PFKFB1: variants seen among roughly 807,000 people sequenced by gnomAD.
PFKFB1 encodes the protein 6-phosphofructo-2-kinase/fructose-2,6-bisphosphatase 1.
Under a neutral mutation model 46.4 loss-of-function variants are expected in PFKFB1, and 34 were observed. The observed-to-expected ratio is 0.73, with a 90% CI of 0.56 to 0.98. The LOEUF (loss-of-function observed/expected upper bound fraction) is 0.98. PFKFB1 is among the 50% of genes least tolerant of loss of function. The probability of loss-of-function intolerance (pLI) is 0.00; values close to 1 mark genes in which losing one functional copy is unlikely to be tolerated. For synonymous variants in PFKFB1, 119 were observed against 133.8 expected (o/e 0.89, Z 0.76); for missense variants, 393 against 376.3 (o/e 1.04, Z -0.37).
rs1933783062 is a variant in PFKFB1, at chrX:54,945,625, A to T, written c.994-82T>A. 3 of 628,863 alleles carry T rather than the reference A, an allele frequency of 4.8e-6. No homozygotes were observed. In the Admixed American group the frequency reaches 9.2e-5, roughly 19 times the overall value. 51.8% of individuals were successfully genotyped at this position (628,863 alleles called of 1,213,427 possible). A position where few individuals can be genotyped will look rare whatever the true frequency, so the allele number is the denominator to read the frequency against. Reference sequence around the variant, plus strand: ...TTGCCATAATTCTTCGATGATTGTGAAACAGTAGCACATGAGCACCTGGGT... The same window carrying T: ...TTGCCATAATTCTTCGATGATTGTGTAACAGTAGCACATGAGCACCTGGGT... On this transcript the variant is annotated intron_variant, in intron 9 of 13. Coordinates refer to ENST00000375006, the MANE Select transcript of PFKFB1 (RefSeq NM_002625.4).
intron 12 of PFKFB1, among the ~76,000 whole-genome samples, chrX:54,934,624 T>C (rs1933325793): frequency 8.9e-6 from 1 of 112,256 alleles, no homozygotes; most frequent in Admixed American, 9.4e-5. Context: ...GGCTGGTCTT[T>C]GTGCTCTTTC....
At chrX:54,969,167 G>C (rs1343673470) in intron 1 of PFKFB1, among the ~76,000 whole-genome samples, 4 of 111,294 alleles carry the variant, frequency 3.6e-5, no homozygotes, top group Non-Finnish European at 7.6e-5. Context: ...AATCTCCAAT[G>C]CAACAGTATT....
intron 6 of PFKFB1, among the ~76,000 whole-genome samples, chrX:54,957,802 A>G (rs1282598750): frequency 1.8e-5 from 2 of 111,116 alleles, no homozygotes; most frequent in African/African-American, 6.5e-5. Context: ...TAATTTGATG[A>G]AGTAGGGAAC....
Position 54,973,004 on chromosome X carries a change from T to C in PFKFB1, c.98-9622A>G, listed in dbSNP as rs1019619595. Among the ~76,000 whole-genome samples, 26 of 111,655 alleles carry C rather than the reference T, an allele frequency of 2.3e-4. No homozygotes were observed. The Middle Eastern group carries it at 0.014, about 59-fold the overall frequency. On this transcript the variant is annotated intron_variant, in intron 1 of 13. Transcript: ENST00000375006. ...TGGTTGGTAAGCTATTGATTATTGC[T>C]ACAATTTCAGAGCCTGTTATTGGTC...
At chrX:54,933,774 A>C (rs1318500186) in intron 13 of PFKFB1, 47 bp downstream of exon 13, 2 of 1,094,066 alleles carry the variant, frequency 1.8e-6, no homozygotes, top group South Asian at 3.7e-5. Context: ...TGCTTTCACC[A>C]TGTGCTGTGT....
At chrX:54,953,125 A>T (rs1220130330) in intron 7 of PFKFB1, among the ~76,000 whole-genome samples, 1 of 112,281 alleles carries the variant, frequency 8.9e-6, no homozygotes, top group African/African-American at 3.2e-5. Context: ...TGTACCAGGC[A>T]TTAAATCCTT....
chrX:54,956,288 G>A lies in PFKFB1; in HGVS notation c.517-14C>T. The A allele has an allele frequency of 8.3e-7, 1 of 1,210,109 alleles. No homozygotes were observed. The highest frequency in any genetic ancestry group is 1.7e-5 in the African/African-American group (1 of 57,822). On this transcript the variant is annotated splice_polypyrimidine_tract_variant and intron_variant, in intron 6 of 13. Transcript: ENST00000375006. ...AAGTTTCACTTGCTGGGAGCAGGGA[G>A]AACAGAGGTATCAAGGGAGACATTG...
chrX:54,956,324 G>A, intron 6 of PFKFB1, 50 bp from the exon 7 acceptor site: 1 of 1,196,562 alleles, frequency 8.4e-7, no homozygotes, highest in Non-Finnish European at 1.1e-6. Context: ...GGAGACAGAT[G>A]GTTTTCTTTG....
At chrX:54,948,219 G>C (rs1472231918) in intron 9 of PFKFB1, among the ~76,000 whole-genome samples, 1 of 111,307 alleles carries the variant, frequency 9.0e-6, no homozygotes, top group Non-Finnish European at 1.9e-5. Context: ...CACTGCACCT[G>C]GCCTGATTCC....
chrX:54,998,567 G>GTT, upstream of PFKFB1: 1 of 503,172 alleles, frequency 2.0e-6, no homozygotes, highest in South Asian at 3.0e-5. Context: ...TTGTTAAGTG[G>GTT]GGGATGTATG....
In PFKFB1 at chrX:54,945,715, TGTGTGC is replaced by T. The variant is rs1427771959; in HGVS notation, c.994-178_994-173del. On this transcript the variant is annotated intron_variant, in intron 9 of 13. Transcript: ENST00000375006. ...AAGTGTGTATGCGTGTGTGTGTGTG[TGTGTGC>T]GTGTGTGTGTGTGTGTGTGTGTGAG... Among the ~76,000 whole-genome samples the T allele has an allele frequency of 3.9e-4, 41 of 105,596 alleles. No individual in the cohort carries two copies. The East Asian group carries it at 9.3e-3, about 24-fold the overall frequency. The allele number at this position is 105,596 out of a possible 115,157, so 91.7% of individuals were successfully genotyped here.
intron 1 of PFKFB1, among the ~76,000 whole-genome samples, chrX:54,976,575 G>A (rs1291994395): frequency 8.9e-6 from 1 of 111,775 alleles, no homozygotes; most frequent in East Asian, 2.8e-4. Context: ...TTGGAAAACA[G>A]TTTGGCAGTT....
chrX:54,937,908 G>T (rs1039916293), intron 10 of PFKFB1, among the ~76,000 whole-genome samples, 184 bp from the exon 11 acceptor site: 1 of 111,831 alleles, frequency 8.9e-6, no homozygotes, highest in Non-Finnish European at 1.9e-5. Flanking sequence ...CTGCTAAATG[G>T]GGGCTATCAA....
chrX:54,979,866 G>A (rs1222420910), intron 1 of PFKFB1, among the ~76,000 whole-genome samples: 2 of 111,825 alleles, frequency 1.8e-5, no homozygotes, highest in Non-Finnish European at 3.8e-5. Flanking sequence ...CGTCCATTTT[G>A]TTGGTCCTCT....
chrX:54,945,701 C>T (rs898911009), intron 9 of PFKFB1, among the ~76,000 whole-genome samples, 158 bp from the exon 10 acceptor site: 4 of 101,750 alleles, frequency 3.9e-5, no homozygotes, highest in African/African-American at 1.1e-4. Flanking sequence ...AGTGTGTATG[C>T]GTGTGTGTGT....
At position 54,980,926 on chromosome X, in the gene PFKFB1, A is replaced by G. The variant is rs776472044; in HGVS notation, c.97+12985T>C. ...AACGAAATGTGAGACTATCAAAGAA[A>G]GACTACATGAATTTTTAAAAGAATC... On this transcript the variant is annotated intron_variant, in intron 1 of 13. Transcript: ENST00000375006. Among the ~76,000 whole-genome samples, 6 of 111,832 alleles carry G rather than the reference A, an allele frequency of 5.4e-5. No individual in the cohort carries two copies. The East Asian group carries it at 1.4e-3, about 26-fold the overall frequency.
At chrX:54,981,775 G>T (rs776197646) in intron 1 of PFKFB1, among the ~76,000 whole-genome samples, 1 of 111,417 alleles carries the variant, frequency 9.0e-6, no homozygotes, top group African/African-American at 3.2e-5. Context: ...CAAGAGCTTG[G>T]GAGTTCTTAT....
intron 1 of PFKFB1, among the ~76,000 whole-genome samples, chrX:54,972,877 C>G (rs991902918): frequency 7.2e-5 from 8 of 111,805 alleles, no homozygotes; most frequent in Admixed American, 2.8e-4. Flanking sequence ...AGGATTCCCT[C>G]TTTTTCTATT....
At chrX:54,934,402 C>T (rs1257622362) in intron 12 of PFKFB1, among the ~76,000 whole-genome samples, 1 of 111,190 alleles carries the variant, frequency 9.0e-6, no homozygotes, top group Non-Finnish European at 1.9e-5. Flanking sequence ...AACCTGAAGA[C>T]GGATGAGGGT....
Sources: allele counts gnomAD v4.1 joint callset (sites outside exome capture counted in the v4.1 genomes callset), GRCh38; gene constraint gnomAD v4.1.1; transcripts MANE v1.5; gene names NCBI Gene and HGNC (gene_info 2026-07-23, HGNC 2026-07-21).